Variants in NSUN2 observed in about 807,000 individuals in gnomAD.
The protein encoded by NSUN2 is NOP2/Sun RNA methyltransferase 2.
A neutral mutation model predicts 92.7 loss-of-function variants in NSUN2; 63 were observed. The ratio of observed to expected loss-of-function variants is 0.68; its 90% CI spans 0.56 to 0.84. The LOEUF is 0.84. NSUN2 is among the 40% of genes least tolerant of loss of function. The pLI, the probability that NSUN2 is intolerant of heterozygous loss-of-function variation, is 0.00. For synonymous variants in NSUN2, 356 were observed against 348.3 expected, an observed-to-expected ratio of 1.02 and a Z score of -0.25; for missense variants, 989 against 964.9, an observed-to-expected ratio of 1.02 and a Z score of -0.33.
At chr5:6,618,913 G>T (rs771867397) in intron 7 of NSUN2, among the ~76,000 whole-genome samples, 8 of 152,160 alleles carry the variant, frequency 5.3e-5, no homozygotes, top group Non-Finnish European at 1.0e-4. Flanking sequence ...GAGGGACTAG[G>T]TCTGCAGGAT....
chr5:6,630,056 G>A (rs377052503), intron 3 of NSUN2, among the ~76,000 whole-genome samples: 21 of 152,142 alleles, frequency 1.4e-4, no homozygotes, highest in African/African-American at 1.7e-4. Flanking sequence ...AATCAGTGTC[G>A]TCAATCAAAT....
intron 3 of NSUN2, among the ~76,000 whole-genome samples, chr5:6,626,123 T>G (rs1452803087): frequency 6.6e-6 from 1 of 152,160 alleles, no homozygotes; most frequent in South Asian, 2.1e-4. Flanking sequence ...TTAAAAAATA[T>G]ATTTTTCATT....
At chr5:6,624,641 C>T (rs930544298) in intron 4 of NSUN2, among the ~76,000 whole-genome samples, 3 of 152,120 alleles carry the variant, frequency 2.0e-5, no homozygotes, top group Admixed American at 6.5e-5. Context: ...GTCTCAAGTA[C>T]GAAATGGGGT....
At chr5:6,611,889 T>C in intron 9 of NSUN2, 91 bp from the exon 10 acceptor site, 1 of 1,100,352 alleles carries the variant, frequency 9.1e-7, no homozygotes, top group Non-Finnish European at 1.3e-6. Context: ...GATCACATAT[T>C]ATATGATTCC....
Position 6,604,624 on chromosome 5 carries a change from G to A in NSUN2, c.1799C>T (p.Ala600Val), listed in dbSNP as rs1380252962. 1 of 1,614,076 alleles carries A rather than the reference G, an allele frequency of 6.2e-7. No individual in the cohort carries two copies. The highest frequency in any genetic ancestry group is 2.2e-5 in the East Asian group (1 of 44,886). Residue 600 changes from alanine (A) to valine (V), a missense_variant, in exon 16 of 19, where the codon GCT (alanine) becomes GTT (valine). Around this residue, in one of 3 missense-constraint regions of NSUN2, gnomAD observed 626 missense variants for 602.3 expected, o/e 1.04. Coordinates refer to ENST00000264670, the MANE Select transcript of NSUN2 (RefSeq NM_017755.6). ...RNNSGEEFDC[A>V]FRLAQEGIYT... Reference sequence around the variant, plus strand: ...AATTACCTCCTGTGCCAGCCGGAAAGCACAGTCAAACTCTTCACCGCTGTT... The same window carrying A: ...AATTACCTCCTGTGCCAGCCGGAAAACACAGTCAAACTCTTCACCGCTGTT...
At chr5:6,606,439 AC>A (rs1170751467) in intron 14 of NSUN2, among the ~76,000 whole-genome samples, 1 of 152,046 alleles carries the variant, frequency 6.6e-6, no homozygotes, top group Non-Finnish European at 1.5e-5. Context: ...GCCCGCCACC[AC>A]GCCCGGCTAA....
At chr5:6,621,518 G>A (rs1314475909) in intron 6 of NSUN2, 1 of 152,318 alleles carries the variant, frequency 6.6e-6, no homozygotes, top group African/African-American at 2.4e-5. Flanking sequence ...GGAGGCCAAG[G>A]CGGGCGGATC....
intron 3 of NSUN2, among the ~76,000 whole-genome samples, chr5:6,630,161 A>C (rs142332099): frequency 6.6e-6 from 1 of 152,224 alleles, no homozygotes; most frequent in Non-Finnish European, 1.5e-5. Context: ...CAGCAATGCC[A>C]TAACTAGAGG....
Position 6,622,108 on chromosome 5 carries a change from CA to C in NSUN2, c.538-9del. 1.2e-6 allele frequency: 2 copies of C among 1,605,414 alleles called. No homozygotes were observed. The highest frequency in any genetic ancestry group is 1.7e-6 in the Non-Finnish European group (2 of 1,174,452). ...TGCACACATATCTAAGATCTATTAA[CA>C]AAGCAAGAAACTGTTTCATGTTTTT... On this transcript the variant is annotated splice_polypyrimidine_tract_variant and intron_variant, in intron 5 of 18. Coordinates refer to ENST00000264670, the MANE Select transcript of NSUN2 (RefSeq NM_017755.6).
Position 6,609,902 on chromosome 5 carries a change from T to C in NSUN2, c.1247A>G (p.His416Arg). The C allele has an allele frequency of 2.5e-6, 4 of 1,612,718 alleles. No individual in the cohort carries two copies. Among genetic ancestry groups the C allele is most frequent in the Non-Finnish European group, 3.4e-6 (4 of 1,178,840 alleles). Residue 416 changes from histidine to arginine, a missense_variant, in exon 12 of 19, where the codon CAT (histidine) becomes CGT (arginine). Physicochemically the swap from His to Arg is conservative, Grantham distance 29 (BLOSUM62 0). Around this residue, in one of 3 missense-constraint regions of NSUN2, gnomAD observed 626 missense variants for 602.3 expected, o/e 1.04. Coordinates refer to ENST00000264670, the MANE Select transcript of NSUN2 (RefSeq NM_017755.6). ...CACAAAAAACCCTCCAGTATTCTGA[T>C]GATGGGGTAATATCCTAAGGCTAAA... is the stretch of plus-strand genomic sequence containing the variant. ...LERCLRILPH[H>R]QNTGGFFVAV...
intron 9 of NSUN2, among the ~76,000 whole-genome samples, chr5:6,612,278 C>T (rs1036793649): frequency 1.3e-5 from 2 of 152,200 alleles, no homozygotes; most frequent in African/African-American, 2.4e-5. Flanking sequence ...TTCCAATGCA[C>T]ACCAGGGCGA....
Position 6,607,317 on chromosome 5 carries a change from T to C in NSUN2, c.1391A>G (p.Lys464Arg). The change falls in exon 13 of 19, where the codon AAA (lysine) becomes AGA (arginine). Residue 464 changes from lysine to arginine, a missense_variant. By Grantham distance (26) the Lys-to-Arg change is conservative. Around this residue, in one of 3 missense-constraint regions of NSUN2, gnomAD observed 626 missense variants for 602.3 expected, o/e 1.04. Transcript: ENST00000264670. Reference sequence around the variant, plus strand: ...TTCCAGCTTAGAGGGATCTGTGGGTTTCCCTTCTGTGAGATCTGCAGGGCT... The same window carrying C: ...TTCCAGCTTAGAGGGATCTGTGGGTCTCCCTTCTGTGAGATCTGCAGGGCT... ...QLSPADLTEGKPTDPSKLESP... is the reference protein window; with the variant it reads ...QLSPADLTEGRPTDPSKLESP... 1 of 1,614,202 alleles carries C rather than the reference T, an allele frequency of 6.2e-7. No individual in the cohort carries two copies. The highest frequency in any genetic ancestry group is 1.1e-5 in the South Asian group (1 of 91,088).
intron 7 of NSUN2, 23 bp downstream of exon 7, chr5:6,620,083 T>C (rs1389020272): frequency 6.5e-7 from 1 of 1,528,644 alleles, no homozygotes; most frequent in East Asian, 2.4e-5. Flanking sequence ...GGATTTGGGC[T>C]TTTTGGCCAA....
chr5:6,600,941 G>T (rs1736528062), intron 18 of NSUN2, among the ~76,000 whole-genome samples: 1 of 151,934 alleles, frequency 6.6e-6, no homozygotes, highest in South Asian at 2.1e-4. Flanking sequence ...GTCCAGCCAG[G>T]AGGCATCGAC....
At chr5:6,623,044 GAAA>G (rs111573762) in intron 5 of NSUN2, among the ~76,000 whole-genome samples, 167 bp downstream of exon 5, 13 of 72,978 alleles carry the variant, frequency 1.8e-4, no homozygotes, top group South Asian at 9.5e-4. Context: ...GGACAAAAAA[GAAA>G]AAAAAAAAAA....
intron 5 of NSUN2, among the ~76,000 whole-genome samples, chr5:6,622,947 A>G (rs1179092256): frequency 6.6e-6 from 1 of 151,694 alleles, no homozygotes; most frequent in Non-Finnish European, 1.5e-5. Context: ...TAATTTAGCC[A>G]ATCACCATCA....
intron 15 of NSUN2, 181 bp from the exon 16 acceptor site, chr5:6,604,866 A>G: frequency 1.6e-6 from 1 of 621,428 alleles, no homozygotes; most frequent in Non-Finnish European, 2.8e-6. Flanking sequence ...CGTCGTTTGG[A>G]GGACAGTAAA....
intron 2 of NSUN2, among the ~76,000 whole-genome samples, chr5:6,632,232 T>C (rs576867533): frequency 2.0e-5 from 3 of 152,220 alleles, no homozygotes; most frequent in South Asian, 2.1e-4. Context: ...GCGACTCATT[T>C]AGAAAGATGT....
chr5:6,605,017 T>C (rs1200679317), intron 15 of NSUN2: 4 of 598,490 alleles, frequency 6.7e-6, no homozygotes, highest in African/African-American at 5.6e-5. Context: ...CTGTGAGAAC[T>C]ACACCATGGC....
Sources: allele counts gnomAD v4.1 joint callset (sites outside exome capture counted in the v4.1 genomes callset), GRCh38; gene constraint gnomAD v4.1.1; regional missense constraint gnomAD v4.1.1; transcripts MANE v1.5; gene names NCBI Gene and HGNC (gene_info 2026-07-23, HGNC 2026-07-21).